ADARB2: variants seen among roughly 807,000 people sequenced by gnomAD.
The protein encoded by ADARB2 is inactive double-stranded RNA-specific editase B2.
A neutral mutation model predicts 62.2 loss-of-function variants in ADARB2; 25 were observed. The ratio of observed to expected loss-of-function variants is 0.40; its 90% confidence interval spans 0.29 to 0.56. The LOEUF is 0.56. ADARB2 is among the 20% of genes least tolerant of loss of function. The pLI, the probability that ADARB2 is intolerant of heterozygous loss-of-function variation, is 0.43. For synonymous variants in ADARB2, 572 were observed against 500.8 expected, an observed-to-expected ratio of 1.14 and a Z score of -1.90; for missense variants, 1,071 against 1,077.4, an observed-to-expected ratio of 0.99 and a Z score of 0.08.
chr10:1,550,614 C>T lies in ADARB2; in HGVS notation c.101-171454G>A, dbSNP rs548559434. ...GGCCCCTTCAGGGAGGTTGCAGCCA[C>T]ACAGACCGACACTGGAGAGGTTTTA... On this transcript the variant is annotated intron_variant, in intron 1 of 9. Coordinates refer to ENST00000381312, the MANE Select transcript of ADARB2 (RefSeq NM_018702.4). 5.9e-5 allele frequency among the ~76,000 whole-genome samples: 9 copies of T among 152,346 alleles called. No individual in the cohort carries two copies. The South Asian group carries it at 1.2e-3, about 21-fold the overall frequency.
At chr10:1,373,079 A>G (rs1832386962) in intron 2 of ADARB2, among the ~76,000 whole-genome samples, 1 of 152,228 alleles carries the variant, frequency 6.6e-6, no homozygotes, top group South Asian at 2.1e-4. Context: ...CACTCAGCAG[A>G]TTCAATGCCA....
chr10:1,309,615 T>G (rs1831665328), intron 3 of ADARB2, among the ~76,000 whole-genome samples: 1 of 152,244 alleles, frequency 6.6e-6, no homozygotes, highest in Admixed American at 6.5e-5. Flanking sequence ...TTCAGCATAA[T>G]TACATGTTAA....
intron 1 of ADARB2, among the ~76,000 whole-genome samples, chr10:1,591,250 C>T (rs990085332): frequency 6.6e-6 from 1 of 152,208 alleles, no homozygotes; most frequent in Non-Finnish European, 1.5e-5. Context: ...AGAGGCAGGG[C>T]TGCTGCTGTC....
intron 1 of ADARB2, among the ~76,000 whole-genome samples, chr10:1,636,653 G>A (rs530402290): frequency 2.6e-5 from 4 of 150,980 alleles, no homozygotes; most frequent in Non-Finnish European, 4.4e-5. Flanking sequence ...TATAAATCTT[G>A]TACTTATTCA....
chr10:1,411,063 A>C (rs1486701132), intron 1 of ADARB2, among the ~76,000 whole-genome samples: 1 of 152,154 alleles, frequency 6.6e-6, no homozygotes, highest in Non-Finnish European at 1.5e-5. Context: ...GCCTGCAGGG[A>C]AACTGCATCC....
chr10:1,184,959 C>T lies in ADARB2; in HGVS notation c.1945G>A (p.Glu649Lys). The change falls in exon 9 of 10, where the codon GAG becomes AAG. Residue 649 changes from glutamate (E) to lysine (K), a missense_variant. Glu to Lys is a moderately conservative substitution (Grantham distance 56). Coordinates refer to ENST00000381312, the MANE Select transcript of ADARB2 (RefSeq NM_018702.4). ...MNWVVGSADL[E>K]IINATTGRRS... The stretch of plus-strand genomic sequence containing the variant: ...CGCCCAGTGGTGGCGTTGATAATCT[C>T]CAGGTCCGCGCTGCCCACGACCCAG... 1 of 1,613,890 alleles carries T rather than the reference C, an allele frequency of 6.2e-7. No individual in the cohort carries two copies. Among genetic ancestry groups the T allele is most frequent in the Non-Finnish European group, 8.5e-7 (1 of 1,180,034 alleles).
At chr10:1,611,802 C>T (rs1833576202) in intron 1 of ADARB2, among the ~76,000 whole-genome samples, 1 of 152,162 alleles carries the variant, frequency 6.6e-6, no homozygotes, top group Non-Finnish European at 1.5e-5. Context: ...TCTCTCTTAT[C>T]CACCCATCTC....
At chr10:1,537,010 T>G (rs1365156707) in intron 1 of ADARB2, among the ~76,000 whole-genome samples, 1 of 152,086 alleles carries the variant, frequency 6.6e-6, no homozygotes, top group Non-Finnish European at 1.5e-5. Context: ...GAAACTATCC[T>G]CAGAGTGAAC....
intron 1 of ADARB2, among the ~76,000 whole-genome samples, chr10:1,717,766 T>C (rs763572216): frequency 5.3e-5 from 8 of 151,806 alleles, no homozygotes; most frequent in Non-Finnish European, 1.2e-4. Context: ...TTAGTAGAGA[T>C]GGGGTTTCGT....
intron 1 of ADARB2, among the ~76,000 whole-genome samples, chr10:1,549,402 A>G (rs1227901592): frequency 6.6e-6 from 1 of 152,098 alleles, no homozygotes; most frequent in Non-Finnish European, 1.5e-5. Flanking sequence ...CATCTTTGTT[A>G]TTTGATTATT....
chr10:1,374,736 G>A (rs1056501554), intron 2 of ADARB2, among the ~76,000 whole-genome samples: 12 of 152,208 alleles, frequency 7.9e-5, no homozygotes, highest in African/African-American at 2.7e-4. Flanking sequence ...GGTATCATTG[G>A]GACCGCATGC....
Position 1,576,259 on chromosome 10 carries a change from G to A in ADARB2, c.100+160792C>T, listed in dbSNP as rs559560071. ...TCACAGGAGGTGGCTTAGGGTCACTGTAGGGCTCAGGGTCAAAGGAGGGGG... is the reference window on the plus strand; with the variant it reads ...TCACAGGAGGTGGCTTAGGGTCACTATAGGGCTCAGGGTCAAAGGAGGGGG... On this transcript the variant is annotated intron_variant, in intron 1 of 9. Coordinates refer to ENST00000381312, the MANE Select transcript of ADARB2 (RefSeq NM_018702.4). Among the ~76,000 whole-genome samples the A allele has an allele frequency of 4.8e-4, 72 of 150,814 alleles. 1 individual carries two copies. The South Asian group carries it at 8.7e-3, about 18-fold the overall frequency.
rs1832952505 is a variant in ADARB2 at position 1,572,262 on chromosome 10, AGAAGG to A, written c.100+164784_100+164788del. Among the ~76,000 whole-genome samples, 5 of 151,768 alleles carry A rather than the reference AGAAGG, an allele frequency of 3.3e-5. No homozygotes were observed. The South Asian group carries it at 1.0e-3, about 32-fold the overall frequency. On this transcript the variant is annotated intron_variant, in intron 1 of 9. Coordinates refer to ENST00000381312, the MANE Select transcript of ADARB2 (RefSeq NM_018702.4). ...GAGTATGCAGGTGAGTGTGCTGGTG[AGAAGG>A]CAGGTGAGTGTGAAGATGAGTGAAC...
chr10:1,601,762 A>G (rs1463632427), intron 1 of ADARB2, among the ~76,000 whole-genome samples: 1 of 152,156 alleles, frequency 6.6e-6, no homozygotes, highest in African/African-American at 2.4e-5. Context: ...GCTCCGGGGT[A>G]CTTCCATGCA....
At chr10:1,461,176 C>T (rs1260756791) in intron 1 of ADARB2, among the ~76,000 whole-genome samples, 1 of 152,182 alleles carries the variant, frequency 6.6e-6, no homozygotes, top group Non-Finnish European at 1.5e-5. Flanking sequence ...CTTCGAACCT[C>T]CAGAAGAAGT....
intron 1 of ADARB2, among the ~76,000 whole-genome samples, chr10:1,409,707 G>C (rs772196258): frequency 0.04 from 3,121 of 77,958 alleles, no homozygotes; most frequent in South Asian, 0.11. Flanking sequence ...GTGCTGAGGC[G>C]TGGCTGTGGT....
At position 1,498,569 on chromosome 10, in the gene ADARB2, A is replaced by G. The variant is rs557220045; in HGVS notation, c.101-119409T>C. Among the ~76,000 whole-genome samples the G allele has an allele frequency of 1.9e-4, 29 of 152,282 alleles. No homozygotes were observed. The South Asian group carries it at 4.2e-3, about 22-fold the overall frequency. ...AAAAAAATTACTGTTTATAAAAACCAAAAGTGGAAATCATCCATCTATGTT... is the reference window on the plus strand; with the variant it reads ...AAAAAAATTACTGTTTATAAAAACCGAAAGTGGAAATCATCCATCTATGTT... On this transcript the variant is annotated intron_variant, in intron 1 of 9. Coordinates refer to ENST00000381312, the MANE Select transcript of ADARB2 (RefSeq NM_018702.4).
intron 1 of ADARB2, among the ~76,000 whole-genome samples, chr10:1,548,944 G>A (rs1453067587): frequency 6.6e-6 from 1 of 152,174 alleles, no homozygotes; most frequent in Non-Finnish European, 1.5e-5. Flanking sequence ...CTGTTAAGGT[G>A]ATCTGGCTGG....
In ADARB2 at chr10:1,522,378, G is replaced by A. The variant is rs564739793; in HGVS notation, c.101-143218C>T. Among the ~76,000 whole-genome samples the A allele has an allele frequency of 5.3e-5, 8 of 152,274 alleles. No individual in the cohort carries two copies. The East Asian group carries it at 1.5e-3, about 29-fold the overall frequency. ...TCTAAGAGGGGGAGGTGGAAGGCAG[G>A]AAAATTCGCTGTGGGGTGTCTGATG... On this transcript the variant is annotated intron_variant, in intron 1 of 9. Coordinates refer to ENST00000381312, the MANE Select transcript of ADARB2 (RefSeq NM_018702.4).
Sources: gnomAD v4.1 joint callset for allele counts (sites outside exome capture counted in the v4.1 genomes callset) on GRCh38, gnomAD v4.1.1 for gene constraint, MANE v1.5 for transcripts, NCBI Gene and HGNC (gene_info 2026-07-23, HGNC 2026-07-21) for gene names.